Variants in STON1 observed in about 807,000 individuals in gnomAD.
STON1 encodes the protein stonin-1.
A neutral mutation model predicts 60.9 loss-of-function variants in STON1; 79 were observed. The ratio of observed to expected loss-of-function variants is 1.30; its 90% CI spans 1.08 to 1.56. The LOEUF (loss-of-function observed/expected upper bound fraction) is 1.56. Among genes scored for constraint, STON1 ranks in the 40% most tolerant of loss-of-function variants. The pLI is 0.00. For missense variants in STON1, 1,166 were observed against 858.9 expected (o/e 1.36, Z -4.47); for synonymous variants, 363 against 306.9 (o/e 1.18, Z -1.91).
intron 1 of STON1, among the ~76,000 whole-genome samples, chr2:48,559,188 C>A (rs1672508359): frequency 6.6e-6 from 1 of 152,342 alleles, no homozygotes; most frequent in Middle Eastern, 3.4e-3. Context: ...TGGCATTTTA[C>A]AGATGTTACT....
intron 1 of STON1, among the ~76,000 whole-genome samples, chr2:48,534,013 C>G (rs911119207): frequency 1.3e-5 from 2 of 152,042 alleles, no homozygotes; most frequent in Non-Finnish European, 2.9e-5. Flanking sequence ...AGGTGATCCG[C>G]CAGCCTCAGC....
intron 1 of STON1, among the ~76,000 whole-genome samples, chr2:48,549,148 C>T (rs558411300): frequency 3.9e-5 from 6 of 152,184 alleles, no homozygotes; most frequent in Non-Finnish European, 8.8e-5. Context: ...AAGAATTTAT[C>T]CGGGAAACAA....
chr2:48,595,417 G>A lies in STON1; in HGVS notation c.*115G>A. On this transcript the variant is annotated 3_prime_UTR_variant, in exon 4 of 4. Transcript: ENST00000404752. ...ACTTCTGAATAGCGGTTTTAGGACA[G>A]GTCTGATGGCTGTGTTTAGAGAAGT... The A allele has an allele frequency of 3.6e-6, 3 of 838,338 alleles. No homozygotes were observed. Among genetic ancestry groups the A allele is most frequent in the Non-Finnish European group, 5.6e-6 (3 of 531,288 alleles). 51.9% of individuals were successfully genotyped at this position (838,338 alleles called of 1,614,324 possible). A position where few individuals can be genotyped will look rare whatever the true frequency, so the allele number is the denominator to read the frequency against.
At chr2:48,530,410 T>C in intron 1 of STON1, 194 bp downstream of exon 1, 1 of 231,220 alleles carries the variant, frequency 4.3e-6, no homozygotes, top group Non-Finnish European at 8.4e-6. Context: ...CGCAGAGGGA[T>C]GGCCTCCCGG....
chr2:48,581,867 G>A lies in STON1; in HGVS notation c.1234G>A (p.Glu412Lys). 1 of 1,614,102 alleles carries A rather than the reference G, an allele frequency of 6.2e-7. No homozygotes were observed. Among genetic ancestry groups the A allele is most frequent in the Non-Finnish European group, 8.5e-7 (1 of 1,180,016 alleles). ...AVSKPKKNYE[E>K]QEISLEIVDN... The stretch of plus-strand genomic sequence containing the variant: ...TTCAAAACCAAAAAAGAACTACGAG[G>A]AGCAAGAAATTTCCTTGGAAATTGT... Residue 412 changes from glutamate (E) to lysine (K), a missense_variant, in exon 2 of 4, where the codon GAG (glutamate) becomes AAG (lysine). Coordinates refer to ENST00000404752, the MANE Select transcript of STON1 (RefSeq NM_006873.4).
chr2:48,587,533 T>G (rs1674281420), intron 2 of STON1, among the ~76,000 whole-genome samples: 1 of 152,128 alleles, frequency 6.6e-6, no homozygotes, highest in Admixed American at 6.5e-5. Flanking sequence ...CCTCGTGACC[T>G]GCCCAGTTTG....
At chr2:48,538,648 G>A (rs1671525665) in intron 1 of STON1, among the ~76,000 whole-genome samples, 1 of 151,750 alleles carries the variant, frequency 6.6e-6, no homozygotes, top group South Asian at 2.1e-4. Flanking sequence ...GCCCAGGCTG[G>A]AGTGAGTCAT....
chr2:48,581,706 G>C lies in STON1; in HGVS notation c.1073G>C (p.Arg358Thr). Residue 358 changes from arginine (R) to threonine (T), a missense_variant, in exon 2 of 4, where the codon AGG (arginine) becomes ACG (threonine). Transcript: ENST00000404752. The stretch of plus-strand genomic sequence containing the variant: ...GAACATGTGTCTTACACAGAAAAAA[G>C]GAAATACCATTCTAAGACAGAAGTA... ...KIEHVSYTEKRKYHSKTEVVH... is the reference protein window; with the variant it reads ...KIEHVSYTEKTKYHSKTEVVH... The C allele has an allele frequency of 6.2e-7, 1 of 1,610,908 alleles. No homozygotes were observed. The highest frequency in any genetic ancestry group is 8.5e-7 in the Non-Finnish European group (1 of 1,179,128).
intron 1 of STON1, among the ~76,000 whole-genome samples, chr2:48,574,377 A>G (rs1558621259): frequency 7.4e-6 from 1 of 135,710 alleles, no homozygotes; most frequent in Non-Finnish European, 1.5e-5. Flanking sequence ...CTCCATCTCG[A>G]AAAAAAAAAA....
intron 1 of STON1, among the ~76,000 whole-genome samples, chr2:48,578,922 C>T (rs1365126957): frequency 6.6e-6 from 1 of 151,800 alleles, no homozygotes. Flanking sequence ...CTGAGGGAAG[C>T]CAAAAGATTA....
intron 1 of STON1, among the ~76,000 whole-genome samples, chr2:48,572,794 A>G (rs1673284455): frequency 6.6e-6 from 1 of 152,178 alleles, no homozygotes; most frequent in Non-Finnish European, 1.5e-5. Context: ...AGAGGGTGAG[A>G]TGGAGATATA....
At position 48,548,895 on chromosome 2, in the gene STON1, G is replaced by A. The variant is rs533447747; in HGVS notation, c.-48+18679G>A. Reference sequence around the variant, plus strand: ...CAGTGTTTTTCTTTTCAAACTCTTGGCCCTCTTGGTATCCGAGTGAATAGG... The same window carrying A: ...CAGTGTTTTTCTTTTCAAACTCTTGACCCTCTTGGTATCCGAGTGAATAGG... On this transcript the variant is annotated intron_variant, in intron 1 of 3. Coordinates refer to ENST00000404752, the MANE Select transcript of STON1 (RefSeq NM_006873.4). Among the ~76,000 whole-genome samples, 11 of 152,044 alleles carry A rather than the reference G, an allele frequency of 7.2e-5. No homozygotes were observed. The South Asian group carries it at 2.1e-3, about 29-fold the overall frequency.
At chr2:48,534,062 C>G (rs1009223822) in intron 1 of STON1, among the ~76,000 whole-genome samples, 2 of 152,070 alleles carry the variant, frequency 1.3e-5, no homozygotes, top group Non-Finnish European at 2.9e-5. Context: ...AGCCACTGTG[C>G]CTGGCCTGGG....
intron 1 of STON1, chr2:48,569,198 CT>C (rs1238930173): frequency 6.6e-6 from 1 of 152,208 alleles, no homozygotes; most frequent in African/African-American, 2.4e-5. Context: ...GCCTACAGCC[CT>C]TAGCACACCA....
intron 2 of STON1, among the ~76,000 whole-genome samples, chr2:48,590,216 C>T (rs947153365): frequency 2.0e-5 from 3 of 152,262 alleles, no homozygotes; most frequent in East Asian, 3.9e-4. Context: ...TTAAGAGCAC[C>T]TCAGAGGCCA....
At chr2:48,580,362 A>G (rs917392959) in intron 1 of STON1, among the ~76,000 whole-genome samples, 2 of 152,120 alleles carry the variant, frequency 1.3e-5, no homozygotes, top group Admixed American at 6.5e-5. Flanking sequence ...TAACATTTGC[A>G]TGGAATATGT....
At chr2:48,578,846 C>G (rs1673702675) in intron 1 of STON1, among the ~76,000 whole-genome samples, 1 of 151,948 alleles carries the variant, frequency 6.6e-6, no homozygotes, top group South Asian at 2.1e-4. Flanking sequence ...CCACCTTGGC[C>G]TCCCAAAGTG....
rs1051322302 is a variant in STON1 at position 48,598,227 on chromosome 2, T to A, written c.*2925T>A. 6.6e-6 allele frequency: 1 copy of A among 152,248 alleles called. No homozygotes were observed. Among genetic ancestry groups the A allele is most frequent in the Non-Finnish European group, 1.5e-5 (1 of 68,030 alleles). 9.4% of individuals were successfully genotyped at this position (152,248 alleles called of 1,614,324 possible). A position where few individuals can be genotyped will look rare whatever the true frequency, so the allele number is the denominator to read the frequency against. On this transcript the variant is annotated 3_prime_UTR_variant, in exon 4 of 4. Transcript: ENST00000404752. ...AAAAAAGATATGTAAAAAAGATACT[T>A]TCCAGCACATAAATAAAGGCTGGAA...
chr2:48,570,038 C>G (rs2103865491), intron 1 of STON1, among the ~76,000 whole-genome samples: 1 of 152,280 alleles, frequency 6.6e-6, no homozygotes, highest in South Asian at 2.1e-4. Flanking sequence ...CCGTAATACT[C>G]TTACAAGAAT....
Sources: allele counts gnomAD v4.1 joint callset (sites outside exome capture counted in the v4.1 genomes callset), GRCh38; gene constraint gnomAD v4.1.1; transcripts MANE v1.5; gene names NCBI Gene and HGNC (gene_info 2026-07-23, HGNC 2026-07-21).